ROBO2: variants seen among roughly 807,000 people sequenced by gnomAD.
The protein encoded by ROBO2 is roundabout guidance receptor 2, also known as roundabout homolog 2.
A neutral mutation model predicts 160.8 loss-of-function variants in ROBO2; 53 were observed. The observed-to-expected ratio is 0.33, with a 90% CI of 0.26 to 0.41. ROBO2 has a LOEUF of 0.41. ROBO2 is among the 10% of genes least tolerant of loss of function. The pLI is 1.00. For synonymous variants in ROBO2, 664 were observed against 611.7 expected (o/e 1.09, Z -1.26); for missense variants, 1,577 against 1,722.4 (o/e 0.92, Z 1.49).
intron 2 of ROBO2, among the ~76,000 whole-genome samples, chr3:76,568,848 A>G (rs990161960): frequency 6.6e-6 from 1 of 151,118 alleles, no homozygotes; most frequent in African/African-American, 2.5e-5. Flanking sequence ...ATGCAGACCC[A>G]TAGCATTCTA....
chr3:77,421,763 G>C (rs1434671007), intron 2 of ROBO2, among the ~76,000 whole-genome samples: 1 of 151,472 alleles, frequency 6.6e-6, no homozygotes, highest in South Asian at 2.1e-4. Context: ...AATAAAAATG[G>C]GTAAATAACA....
intron 2 of ROBO2, among the ~76,000 whole-genome samples, chr3:77,356,529 C>T (rs1038519914): frequency 3.3e-5 from 5 of 152,146 alleles, no homozygotes; most frequent in Non-Finnish European, 7.4e-5. Flanking sequence ...ATTTTTCTTA[C>T]CCATCCCTGG....
chr3:77,311,306 C>T (rs570979946), intron 2 of ROBO2, among the ~76,000 whole-genome samples: 1 of 152,244 alleles, frequency 6.6e-6, no homozygotes, highest in African/African-American at 2.4e-5. Context: ...GGAAATATCC[C>T]GGTGCTTTCG....
chr3:77,084,175 A>G (rs2069009182), intron 1 of ROBO2, among the ~76,000 whole-genome samples: 1 of 152,056 alleles, frequency 6.6e-6, no homozygotes, highest in Non-Finnish European at 1.5e-5. Context: ...ACCAGTAATA[A>G]TGTTCTTTTA....
chr3:76,372,307 G>C (rs1335860505), intron 2 of ROBO2, among the ~76,000 whole-genome samples: 1 of 151,724 alleles, frequency 6.6e-6, no homozygotes, highest in African/African-American at 2.4e-5. Flanking sequence ...CTGACTTTCA[G>C]ACTTGCCTCT....
At chr3:77,192,688 C>G in intron 2 of ROBO2, among the ~76,000 whole-genome samples, 1 of 146,022 alleles carries the variant, frequency 6.8e-6, no homozygotes. Flanking sequence ...GAGTCTCACC[C>G]AGGTTGGAGT....
intron 2 of ROBO2, among the ~76,000 whole-genome samples, chr3:76,542,550 T>C (rs1030333320): frequency 1.3e-5 from 2 of 152,174 alleles, no homozygotes; most frequent in African/African-American, 2.4e-5. Flanking sequence ...ACTGACTGAA[T>C]AGAAATTCTA....
At chr3:76,749,478 C>G (rs756613921) in intron 2 of ROBO2, among the ~76,000 whole-genome samples, 1 of 151,934 alleles carries the variant, frequency 6.6e-6, no homozygotes, top group Admixed American at 6.6e-5. Context: ...TTCCTGTTCT[C>G]AGCTGCTCAT....
At chr3:76,688,787 A>G (rs11917183) in intron 2 of ROBO2, among the ~76,000 whole-genome samples, 78,922 of 151,758 alleles carry the variant, frequency 0.52, 21,017 homozygotes, top group East Asian at 0.77. Context: ...TTTATACCCA[A>G]TTTGTAATTG....
chr3:76,026,365 T>C (rs985255354), intron 2 of ROBO2, among the ~76,000 whole-genome samples: 9 of 151,940 alleles, frequency 5.9e-5, no homozygotes, highest in African/African-American at 1.9e-4. Context: ...GCACTAATGA[T>C]AAAAATTTAA....
chr3:76,405,953 C>G (rs1229004617), intron 2 of ROBO2, among the ~76,000 whole-genome samples: 1 of 151,508 alleles, frequency 6.6e-6, no homozygotes. Flanking sequence ...CTTGTCTTTT[C>G]CATGTAGTTA....
chr3:77,311,822 C>T (rs189159955), intron 2 of ROBO2, among the ~76,000 whole-genome samples: 3 of 152,176 alleles, frequency 2.0e-5, no homozygotes, highest in African/African-American at 7.2e-5. Context: ...CGCAGTGGGT[C>T]ACGCCTGTAA....
chr3:76,314,748 A>G (rs1009010959), intron 2 of ROBO2, among the ~76,000 whole-genome samples: 3 of 152,158 alleles, frequency 2.0e-5, no homozygotes, highest in African/African-American at 7.2e-5. Flanking sequence ...TACATATAAC[A>G]TATAAAACAT....
chr3:76,510,461 C>T (rs1254430742), intron 2 of ROBO2, among the ~76,000 whole-genome samples: 2 of 152,142 alleles, frequency 1.3e-5, no homozygotes, highest in Non-Finnish European at 2.9e-5. Context: ...CAGTGGCTCA[C>T]GTCTGTAATC....
At chr3:77,352,132 A>G (rs2068435109) in intron 2 of ROBO2, among the ~76,000 whole-genome samples, 1 of 151,702 alleles carries the variant, frequency 6.6e-6, no homozygotes, top group South Asian at 2.1e-4. Context: ...AGTCGCAGGT[A>G]TCAGCATTTT....
At chr3:77,575,255 AG>A (rs1383354478) in intron 14 of ROBO2, among the ~76,000 whole-genome samples, 1 of 152,068 alleles carries the variant, frequency 6.6e-6, no homozygotes, top group Admixed American at 6.6e-5. Flanking sequence ...TCTTACCTAA[AG>A]GTATGTTAAA....
chr3:76,338,550 G>C (rs1211516907), intron 2 of ROBO2, among the ~76,000 whole-genome samples: 2 of 151,884 alleles, frequency 1.3e-5, no homozygotes, highest in African/African-American at 4.8e-5. Context: ...GTGCATGCCT[G>C]TAGTACTATC....
At chr3:77,402,697 C>T (rs901044059) in intron 2 of ROBO2, among the ~76,000 whole-genome samples, 5 of 151,942 alleles carry the variant, frequency 3.3e-5, no homozygotes, top group African/African-American at 4.8e-5. Context: ...ACAGTGCACA[C>T]GCTCCCCTCC....
At chr3:77,505,567 A>G (rs548300442) in intron 5 of ROBO2, among the ~76,000 whole-genome samples, 2 of 152,168 alleles carry the variant, frequency 1.3e-5, no homozygotes, top group East Asian at 1.9e-4. Flanking sequence ...TTTTTCTCTG[A>G]GTTAAGGAGA....
Sources: gnomAD v4.1 joint callset for allele counts (sites outside exome capture counted in the v4.1 genomes callset) on GRCh38, gnomAD v4.1.1 for gene constraint, MANE v1.5 for transcripts, NCBI Gene and HGNC (gene_info 2026-07-23, HGNC 2026-07-21) for gene names.